SLC1A6: variants seen among roughly 807,000 people sequenced by gnomAD.
The protein encoded by SLC1A6 is excitatory amino acid transporter 4.
Under a neutral mutation model 42.1 loss-of-function variants are expected in SLC1A6, and 15 were observed. The observed-to-expected ratio is 0.36, with a 90% CI of 0.24 to 0.55. The LOEUF (loss-of-function observed/expected upper bound fraction) is 0.55. SLC1A6 is among the 20% of genes least tolerant of loss of function. The pLI is 0.88. For synonymous variants in SLC1A6, 317 were observed against 319.7 expected (o/e 0.99, Z 0.09); for missense variants, 542 against 772.5 (o/e 0.70, Z 3.54).
At chr19:14,982,252 G>A (rs555774763), upstream of SLC1A6, among the ~76,000 whole-genome samples, 16 of 152,244 alleles carry the variant, frequency 1.1e-4, no homozygotes, top group South Asian at 8.3e-4. Context: ...CATATTGGCC[G>A]GGCATGGTGG....
At chr19:15,003,746 TC>T (rs2045883460) in intron 1 of SLC1A6, among the ~76,000 whole-genome samples, 1 of 151,826 alleles carries the variant, frequency 6.6e-6, no homozygotes, top group Non-Finnish European at 1.5e-5. Context: ...GCAATTTCAC[TC>T]GATTTCGCCC....
At chr19:14,975,479 G>A (rs550473534) in intron 1 of SLC1A6, among the ~76,000 whole-genome samples, 5 of 152,104 alleles carry the variant, frequency 3.3e-5, no homozygotes, top group African/African-American at 1.2e-4. Flanking sequence ...AACGGCCAGG[G>A]CGCAGTGGCT....
intron 1 of SLC1A6, among the ~76,000 whole-genome samples, chr19:14,986,135 T>C (rs1049278652): frequency 6.6e-6 from 1 of 151,392 alleles, no homozygotes; most frequent in Non-Finnish European, 1.5e-5. Flanking sequence ...ACAGCTACCA[T>C]GATACTTCTG....
At chr19:14,986,595 CTT>C (rs34762676) in intron 1 of SLC1A6, among the ~76,000 whole-genome samples, 123 of 145,906 alleles carry the variant, frequency 8.4e-4, no homozygotes, top group Admixed American at 1.9e-3. Context: ...ATGAAACTGG[CTT>C]TTTTTTTTTT....
At chr19:15,008,767 TG>T (rs528893047) in intron 1 of SLC1A6, among the ~76,000 whole-genome samples, 1 of 152,046 alleles carries the variant, frequency 6.6e-6, no homozygotes, top group East Asian at 1.9e-4. Context: ...TCGAATTGCT[TG>T]AGTCCAAGAG....
intron 1 of SLC1A6, among the ~76,000 whole-genome samples, chr19:15,006,094 A>G (rs2045894662): frequency 6.6e-6 from 1 of 152,212 alleles, no homozygotes; most frequent in Non-Finnish European, 1.5e-5. Context: ...TAGCTCATTC[A>G]TGGATTCATT....
chr19:15,005,706 T>C (rs979982884), intron 1 of SLC1A6, among the ~76,000 whole-genome samples: 5 of 152,178 alleles, frequency 3.3e-5, no homozygotes, highest in African/African-American at 1.2e-4. Context: ...TGCACCAATT[T>C]CAATGCTTAG....
chr19:14,985,654 A>G (rs2045789160), intron 1 of SLC1A6, among the ~76,000 whole-genome samples: 2 of 152,212 alleles, frequency 1.3e-5, no homozygotes, highest in South Asian at 4.1e-4. Context: ...CCAGTCTCAG[A>G]TATTCCTTTA....
At chr19:14,959,067 CCCTAT>C (rs1434539507) in intron 6 of SLC1A6, among the ~76,000 whole-genome samples, 1 of 152,214 alleles carries the variant, frequency 6.6e-6, no homozygotes, top group Non-Finnish European at 1.5e-5. Flanking sequence ...CTTTGTTAAG[CCCTAT>C]CCTATGTAGG....
intron 4 of SLC1A6, among the ~76,000 whole-genome samples, chr19:14,967,666 A>G (rs1188413564): frequency 3.9e-5 from 6 of 152,218 alleles, no homozygotes; most frequent in Non-Finnish European, 5.9e-5. Context: ...CCTACGCTCA[A>G]AGAATAAATT....
At position 14,956,464 on chromosome 19, in the gene SLC1A6, G is replaced by T; in HGVS notation, c.1169+12C>A. ...ACCAGGAATGGTGCTGGGGTGGGGAGCAAGGCCATACCTGGAAGACGTGCC... is the reference window on the plus strand; with the variant it reads ...ACCAGGAATGGTGCTGGGGTGGGGATCAAGGCCATACCTGGAAGACGTGCC... On this transcript the variant is annotated intron_variant, in intron 7 of 9. Transcript: ENST00000594383. 6.5e-7 allele frequency: 1 copy of T among 1,535,364 alleles called. No individual in the cohort carries two copies. The highest frequency in any genetic ancestry group is 8.8e-7 in the Non-Finnish European group (1 of 1,130,590).
chr19:14,951,661 C>T (rs908384399), intron 9 of SLC1A6, among the ~76,000 whole-genome samples: 4 of 151,902 alleles, frequency 2.6e-5, no homozygotes, highest in Non-Finnish European at 5.9e-5. Flanking sequence ...AGATTATAGG[C>T]GCCCACCACT....
chr19:14,954,463 T>C lies in SLC1A6; in HGVS notation c.1170-134A>G, dbSNP rs2045442995. 3.9e-6 allele frequency: 3 copies of C among 767,546 alleles called. No homozygotes were observed. In the East Asian group the frequency reaches 8.0e-5, roughly 20 times the overall value. The allele number at this position is 767,546 out of a possible 1,614,324, so 47.5% of individuals were successfully genotyped here. A position where few individuals can be genotyped will look rare whatever the true frequency, so the allele number is the denominator to read the frequency against. On this transcript the variant is annotated intron_variant, in intron 7 of 9. Coordinates refer to ENST00000594383, the MANE Select transcript of SLC1A6 (RefSeq NM_005071.3). Reference sequence around the variant, plus strand: ...AAAGGCTGGGGAACAGGGCGTGACCTAGTGGGGTACGGCTGAGAATGGGTA... The same window carrying C: ...AAAGGCTGGGGAACAGGGCGTGACCCAGTGGGGTACGGCTGAGAATGGGTA...
chr19:14,964,796 A>G (rs2045554967), intron 4 of SLC1A6, among the ~76,000 whole-genome samples: 1 of 152,168 alleles, frequency 6.6e-6, no homozygotes, highest in Non-Finnish European at 1.5e-5. Flanking sequence ...GCCCATGATT[A>G]AGGTAGAACC....
chr19:14,986,372 A>G (rs926969228), intron 1 of SLC1A6, among the ~76,000 whole-genome samples: 2 of 151,776 alleles, frequency 1.3e-5, no homozygotes, highest in African/African-American at 4.8e-5. Flanking sequence ...ACAAAAAAAA[A>G]TTAGCCCAGC....
intron 8 of SLC1A6, 28 bp downstream of exon 8, chr19:14,954,107 C>G (rs376025951): frequency 6.4e-6 from 10 of 1,554,362 alleles, no homozygotes; most frequent in Non-Finnish European, 8.7e-6. Context: ...GTCTCACCTG[C>G]TGGCAGGTCC....
rs73927894 is a variant in SLC1A6 at position 14,976,444 on chromosome 19, C to A, written c.-8+2865G>T. On this transcript the variant is annotated intron_variant, in intron 1 of 9. Transcript: ENST00000594383. ...ATGTATATCATGGAATAGTAATCAG[C>A]CATAATAAAGTGTCTTTTACAGCAA... is the stretch of plus-strand genomic sequence containing the variant. Among the ~76,000 whole-genome samples, 137 of 152,220 alleles carry A rather than the reference C, an allele frequency of 9.0e-4. 2 individuals carry two copies. The highest frequency in any genetic ancestry group is 8.3e-3 in the East Asian group (43 of 5,184).
At chr19:14,999,688 A>C (rs915383981) in intron 1 of SLC1A6, among the ~76,000 whole-genome samples, 2 of 152,210 alleles carry the variant, frequency 1.3e-5, no homozygotes, top group African/African-American at 4.8e-5. Flanking sequence ...CACAGTCTCC[A>C]ACTTACAATG....
chr19:14,968,175 G>T, intron 4 of SLC1A6, 128 bp downstream of exon 4: 1 of 743,952 alleles, frequency 1.3e-6, no homozygotes, highest in Non-Finnish European at 2.2e-6. Flanking sequence ...AGAAGTGCCC[G>T]TCTCTGCTCT....
Sources: allele counts gnomAD v4.1 joint callset (sites outside exome capture counted in the v4.1 genomes callset), GRCh38; gene constraint gnomAD v4.1.1; transcripts MANE v1.5; gene names NCBI Gene and HGNC (gene_info 2026-07-23, HGNC 2026-07-21).